The following RFTN1 variants were observed in gnomAD, a reference collection of about 807,000 sequenced individuals.
The protein encoded by RFTN1 is raftlin, lipid raft linker 1, also known as raftlin.
A neutral mutation model predicts 46.5 loss-of-function variants in RFTN1; 26 were observed. The ratio of observed to expected loss-of-function variants is 0.56; its 90% confidence interval spans 0.41 to 0.78. RFTN1 has a LOEUF of 0.78. Ranked by LOEUF, RFTN1 falls within the 30% of genes least tolerant of loss-of-function variation. The pLI is 0.00. For synonymous variants in RFTN1, 261 were observed against 284.2 expected, an observed-to-expected ratio of 0.92 and a Z score of 0.82; for missense variants, 693 against 718.7, an observed-to-expected ratio of 0.96 and a Z score of 0.41.
At chr3:16,350,808 C>G (rs1026053558) in intron 7 of RFTN1, among the ~76,000 whole-genome samples, 9 of 152,110 alleles carry the variant, frequency 5.9e-5, no homozygotes, top group Non-Finnish European at 1.0e-4. Flanking sequence ...GTCTTTGGCA[C>G]TAAAGACTAT....
At position 16,498,397 on chromosome 3, in the gene RFTN1, C is replaced by T. The variant is rs2076656843; in HGVS notation, c.-8-4520G>A. On this transcript the variant is annotated intron_variant, in intron 1 of 9. Transcript: ENST00000334133. The surrounding 1 kb of genome is among the most constrained non-coding windows in gnomAD (Gnocchi z 5.2). ...CACAAAACACTGCCAGGATGTGTTT[C>T]AGGCAGGTCACTGAACCTGTTCTGG... is the stretch of plus-strand genomic sequence containing the variant. 6.6e-6 allele frequency among the ~76,000 whole-genome samples: 1 copy of T among 152,218 alleles called. No homozygotes were observed. Among genetic ancestry groups the T allele is most frequent in the Admixed American group, 6.5e-5 (1 of 15,280 alleles).
intron 4 of RFTN1, among the ~76,000 whole-genome samples, chr3:16,391,108 C>CA (rs1171410166): frequency 6.6e-6 from 1 of 152,104 alleles, no homozygotes; most frequent in Non-Finnish European, 1.5e-5. Context: ...ACTAGTACCC[C>CA]AATGAATAAC....
Position 16,510,382 on chromosome 3 carries a change from C to T in RFTN1, c.-9+3060G>A, listed in dbSNP as rs1361976381. 2.1e-4 allele frequency among the ~76,000 whole-genome samples: 32 copies of T among 152,316 alleles called. No individual in the cohort carries two copies. In the East Asian group the frequency reaches 5.0e-3, roughly 24 times the overall value. On this transcript the variant is annotated intron_variant, in intron 1 of 9. Coordinates refer to ENST00000334133, the MANE Select transcript of RFTN1 (RefSeq NM_015150.2). ...GTTATTTTTCTTTTTATAGAAAGCA[C>T]TCAATCAATCTTCTTTCACAACCAA...
In RFTN1 at chr3:16,417,986, T is replaced by C. The variant is rs186753893; in HGVS notation, c.333-8503A>G. Among the ~76,000 whole-genome samples the C allele has an allele frequency of 2.5e-3, 379 of 152,244 alleles. 1 individual carries two copies. The highest frequency in any genetic ancestry group is 3.9e-3 in the Non-Finnish European group (264 of 68,014). Reference sequence around the variant, plus strand: ...CATCCCAAAGTTCTGGGATTACAGGTGTGAGCAACCATGCCCGGCCTTGTC... The same window carrying C: ...CATCCCAAAGTTCTGGGATTACAGGCGTGAGCAACCATGCCCGGCCTTGTC... On this transcript the variant is annotated intron_variant, in intron 3 of 9. Coordinates refer to ENST00000334133, the MANE Select transcript of RFTN1 (RefSeq NM_015150.2).
intron 7 of RFTN1, among the ~76,000 whole-genome samples, chr3:16,357,682 C>G (rs1222251625): frequency 6.6e-6 from 1 of 152,178 alleles, no homozygotes; most frequent in Non-Finnish European, 1.5e-5. Flanking sequence ...AGACAACTCT[C>G]CTTCCACCAA....
chr3:16,433,185 T>TTAAAA lies in RFTN1; in HGVS notation c.332+665_332+666insTTTTA, dbSNP rs3054563. On this transcript the variant is annotated intron_variant, in intron 3 of 9. Transcript: ENST00000334133. This position sits in a 1 kb window ranked among gnomAD's most constrained non-coding sequence, Gnocchi z 4.4. ...TCCCATCCTCACTGTTTTTTTTTTT[T>TTAAAA]AAAAAAATTAATATTGTTCCTTTTG... Among the ~76,000 whole-genome samples the TTAAAA allele has an allele frequency of 4.0e-5, 6 of 150,152 alleles. No individual in the cohort carries two copies. Among genetic ancestry groups the TTAAAA allele is most frequent in the East Asian group, 3.9e-4 (2 of 5,162 alleles).
At position 16,425,842 on chromosome 3, in the gene RFTN1, C is replaced by T. The variant is rs996991229; in HGVS notation, c.332+8009G>A. On this transcript the variant is annotated intron_variant, in intron 3 of 9. Coordinates refer to ENST00000334133, the MANE Select transcript of RFTN1 (RefSeq NM_015150.2). This position sits in a 1 kb window ranked among gnomAD's most constrained non-coding sequence, Gnocchi z 4.3. ...TTAAGGTAGTCTTGGTGATGCTGGA[C>T]AGCTCCTCAGGGGGTACGGTGGCAG... Among the ~76,000 whole-genome samples the T allele has an allele frequency of 2.6e-5, 4 of 152,126 alleles. No individual in the cohort carries two copies. The highest frequency in any genetic ancestry group is 9.7e-5 in the African/African-American group (4 of 41,428).
rs2076336366 is a variant in RFTN1, at chr3:16,479,785, T to C, written c.145+13940A>G. Among the ~76,000 whole-genome samples the C allele has an allele frequency of 6.6e-6, 1 of 152,204 alleles. No homozygotes were observed. Among genetic ancestry groups the C allele is most frequent in the African/African-American group, 2.4e-5 (1 of 41,442 alleles). On this transcript the variant is annotated intron_variant, in intron 2 of 9. Transcript: ENST00000334133. This position sits in a 1 kb window ranked among gnomAD's most constrained non-coding sequence, Gnocchi z 5.1. ...CAGTTTGGTTGGTGGGTCCAAAGAT[T>C]AGATTTGGTTTAGGATTTCCAGGGC...
intron 6 of RFTN1, among the ~76,000 whole-genome samples, chr3:16,369,524 A>G (rs2073400744): frequency 6.6e-6 from 1 of 152,208 alleles, no homozygotes; most frequent in Non-Finnish European, 1.5e-5. Flanking sequence ...AGGAGAGCTG[A>G]CATCAATAGT....
At position 16,465,069 on chromosome 3, in the gene RFTN1, A is replaced by T. The variant is rs1315650584; in HGVS notation, c.145+28656T>A. ...AGACAGAGGGGAATGAGTCTGAAGC[A>T]GACAGTCCCAGTAAGGAAAAGGGAG... On this transcript the variant is annotated intron_variant, in intron 2 of 9. Coordinates refer to ENST00000334133, the MANE Select transcript of RFTN1 (RefSeq NM_015150.2). The surrounding 1 kb of genome is among the most constrained non-coding windows in gnomAD (Gnocchi z 5.1). Among the ~76,000 whole-genome samples, 1 of 152,210 alleles carries T rather than the reference A, an allele frequency of 6.6e-6. No homozygotes were observed. Among genetic ancestry groups the T allele is most frequent in the Non-Finnish European group, 1.5e-5 (1 of 68,046 alleles).
In RFTN1 at chr3:16,507,477, C is replaced by A. The variant is rs1380214602; in HGVS notation, c.-9+5965G>T. ...GTCTATGATTAACCAAATCTCTTAC[C>A]CAACTTTCTGAGTAAAATCTATTAC... On this transcript the variant is annotated intron_variant, in intron 1 of 9. Coordinates refer to ENST00000334133, the MANE Select transcript of RFTN1 (RefSeq NM_015150.2). This position sits in a 1 kb window ranked among gnomAD's most constrained non-coding sequence, Gnocchi z 7.1. Among the ~76,000 whole-genome samples, 2 of 152,072 alleles carry A rather than the reference C, an allele frequency of 1.3e-5. No individual in the cohort carries two copies. Among genetic ancestry groups the A allele is most frequent in the Non-Finnish European group, 1.5e-5 (1 of 68,028 alleles).
chr3:16,337,571 G>A lies in RFTN1; in HGVS notation c.1147-10695C>T, dbSNP rs1222399362. Among the ~76,000 whole-genome samples the A allele has an allele frequency of 1.3e-5, 2 of 151,652 alleles. No individual in the cohort carries two copies. Among genetic ancestry groups the A allele is most frequent in the African/African-American group, 2.4e-5 (1 of 41,268 alleles). ...ACCCTGGCCAACATGGTGAAACCTC[G>A]TCTCTACTAAAAATACAAAAATTAG... On this transcript the variant is annotated intron_variant, in intron 7 of 9. Coordinates refer to ENST00000334133, the MANE Select transcript of RFTN1 (RefSeq NM_015150.2). This position sits in a 1 kb window ranked among gnomAD's most constrained non-coding sequence, Gnocchi z 5.0.
chr3:16,331,730 C>T (rs947630996), intron 7 of RFTN1, among the ~76,000 whole-genome samples: 12 of 152,146 alleles, frequency 7.9e-5, no homozygotes, highest in Admixed American at 3.9e-4. Context: ...CTGGGTTCTT[C>T]GTAAATTACT....
intron 4 of RFTN1, among the ~76,000 whole-genome samples, chr3:16,397,069 GAAAAAA>G (rs11290510): frequency 4.6e-4 from 54 of 117,114 alleles, no homozygotes; most frequent in African/African-American, 1.6e-3. Context: ...GTCTCAAAAT[GAAAAAA>G]AAAAAAAAAA....
intron 2 of RFTN1, among the ~76,000 whole-genome samples, chr3:16,461,417 T>C (rs1269857456): frequency 3.9e-5 from 6 of 152,212 alleles, no homozygotes; most frequent in East Asian, 1.9e-4. Flanking sequence ...ATTAAAAATA[T>C]ATACACATAC....
At chr3:16,471,332 T>TA (rs2076191688) in intron 2 of RFTN1, among the ~76,000 whole-genome samples, 1 of 152,236 alleles carries the variant, frequency 6.6e-6, no homozygotes, top group Non-Finnish European at 1.5e-5. Context: ...GTTCTGAAGT[T>TA]AGACAACCTG....
rs1016696507 is a variant in RFTN1, at chr3:16,474,432, T to A, written c.145+19293A>T. Among the ~76,000 whole-genome samples, 3 of 152,212 alleles carry A rather than the reference T, an allele frequency of 2.0e-5. No homozygotes were observed. The East Asian group carries it at 5.8e-4, about 29-fold the overall frequency. ...ACACAGCTGCTGATTAATTAGTGAATGCTGCTGCTATTTGCCCTCCTCCCC... is the reference window on the plus strand; with the variant it reads ...ACACAGCTGCTGATTAATTAGTGAAAGCTGCTGCTATTTGCCCTCCTCCCC... On this transcript the variant is annotated intron_variant, in intron 2 of 9. Coordinates refer to ENST00000334133, the MANE Select transcript of RFTN1 (RefSeq NM_015150.2). The surrounding 1 kb of genome is among the most constrained non-coding windows in gnomAD (Gnocchi z 5.5).
chr3:16,380,276 C>T lies in RFTN1; in HGVS notation c.442-2174G>A, dbSNP rs1207567436. 6.6e-6 allele frequency among the ~76,000 whole-genome samples: 1 copy of T among 152,200 alleles called. No individual in the cohort carries two copies. The highest frequency in any genetic ancestry group is 1.5e-5 in the Non-Finnish European group (1 of 68,042). ...CACTTATTTTGCAGTTGCACTGAAA[C>T]TTAGTTTAGACATTACATATGGCAA... On this transcript the variant is annotated intron_variant, in intron 4 of 9. Transcript: ENST00000334133. The surrounding 1 kb of genome is among the most constrained non-coding windows in gnomAD (Gnocchi z 4.8).
chr3:16,317,039 T>C lies in RFTN1; in HGVS notation c.1526A>G (p.Lys509Arg). ...TCCCTTGTCCTCTTGGACAGGGCCC[T>C]TCATCTCCTCGGAGACTCCACCCTC... ...QQEGGVSEEM[K>R]GPVQEDKGEQ... Residue 509 changes from lysine to arginine, a missense_variant, in exon 10 of 10, where the codon AAG (lysine) becomes AGG (arginine). Transcript: ENST00000334133. The surrounding 1 kb of genome is among the most constrained non-coding windows in gnomAD (Gnocchi z 4.3). 1 of 1,613,866 alleles carries C rather than the reference T, an allele frequency of 6.2e-7. No homozygotes were observed.
Sources: allele counts gnomAD v4.1 joint callset (sites outside exome capture counted in the v4.1 genomes callset), GRCh38; gene constraint gnomAD v4.1.1; non-coding constraint Gnocchi (gnomAD v3.1); transcripts MANE v1.5; gene names NCBI Gene and HGNC (gene_info 2026-07-23, HGNC 2026-07-21).